Variants in SLC7A1 observed in about 807,000 individuals in gnomAD.
SLC7A1 encodes high affinity cationic amino acid transporter 1.
SLC7A1 carries 10 observed loss-of-function variants against 53.9 expected under a neutral mutation model. That is an observed-to-expected ratio of 0.19 (90% confidence interval 0.11 to 0.31). The LOEUF (loss-of-function observed/expected upper bound fraction) is 0.31, where lower values mean the gene tolerates loss of function less well. Among genes scored for constraint, SLC7A1 ranks in the 10% least tolerant of loss-of-function variants. The probability of loss-of-function intolerance (pLI) is 1.00; values close to 1 mark genes in which losing one functional copy is unlikely to be tolerated. For missense variants in SLC7A1, 525 were observed against 827.2 expected (o/e 0.63, Z 4.48); for synonymous variants, 342 against 338.7 (o/e 1.01, Z -0.11).
At chr13:29,579,853 C>T (rs1003984083) in intron 1 of SLC7A1, among the ~76,000 whole-genome samples, 1 of 152,124 alleles carries the variant, frequency 6.6e-6, no homozygotes, top group African/African-American at 2.4e-5. Flanking sequence ...CTGGTCGAAC[C>T]GGTGCCCTGC....
Position 29,522,435 on chromosome 13 carries a change from G to C in SLC7A1, c.1071C>G (p.Pro357=). The C allele has an allele frequency of 6.2e-7, 1 of 1,614,196 alleles. No individual in the cohort carries two copies. The highest frequency in any genetic ancestry group is 8.5e-7 in the Non-Finnish European group (1 of 1,180,030). ...CCATGGCATAGATAACCCGAGGCAT[G>C]GGAAACATGGAACCTAGAAGACTAG... ...LSASLLGSMF[P]MPRVIYAMAE... is the part of the protein sequence containing the mutation. The change falls in exon 8 of 13, where the codon CCC becomes CCG. Residue 357 remains proline, a synonymous_variant. Coordinates refer to ENST00000380752, the MANE Select transcript of SLC7A1 (RefSeq NM_003045.5).
intron 5 of SLC7A1, among the ~76,000 whole-genome samples, chr13:29,528,814 G>C (rs1182188762): frequency 1.3e-5 from 2 of 152,194 alleles, no homozygotes; most frequent in Non-Finnish European, 2.9e-5. Flanking sequence ...AGGGATTGGG[G>C]CAACAAATGC....
At chr13:29,561,932 T>C (rs747231567) in intron 1 of SLC7A1, among the ~76,000 whole-genome samples, 26 of 152,244 alleles carry the variant, frequency 1.7e-4, no homozygotes, top group Non-Finnish European at 2.9e-4. Context: ...CCTCTGTCCT[T>C]GAGCCTTCCA....
rs574698354 is a variant in SLC7A1, at chr13:29,512,280, G to A, written c.*2200C>T. 8 of 152,292 alleles carry A rather than the reference G, an allele frequency of 5.3e-5. No homozygotes were observed. The highest frequency in any genetic ancestry group is 2.1e-4 in the South Asian group (1 of 4,826). 9.4% of individuals were successfully genotyped at this position (152,292 alleles called of 1,614,324 possible). The stretch of plus-strand genomic sequence containing the variant: ...CTGTGTCCAGCTTTAAGGCCTCTGC[G>A]TGAGGAAGGCCACAGACTCCCAGCT... On this transcript the variant is annotated 3_prime_UTR_variant, in exon 13 of 13. Transcript: ENST00000380752.
At chr13:29,579,407 C>T (rs1398085277) in intron 1 of SLC7A1, among the ~76,000 whole-genome samples, 2 of 151,224 alleles carry the variant, frequency 1.3e-5, no homozygotes, top group Admixed American at 6.6e-5. Context: ...GTTGCCCAGA[C>T]TGGAATGCAG....
At chr13:29,567,694 C>A (rs574497207) in intron 1 of SLC7A1, among the ~76,000 whole-genome samples, 2 of 152,128 alleles carry the variant, frequency 1.3e-5, no homozygotes, top group Admixed American at 6.5e-5. Context: ...CCGGACAGTG[C>A]GGCAGTTCTA....
At position 29,524,181 on chromosome 13, in the gene SLC7A1, T is replaced by C. The variant is rs755479507; in HGVS notation, c.777A>G (p.Ala259=). 1.2e-6 allele frequency: 2 copies of C among 1,614,060 alleles called. No homozygotes were observed. The highest frequency in any genetic ancestry group is 1.7e-6 in the Non-Finnish European group (2 of 1,179,982). ...CCACGAAGGCATAGAAGCAAGTCGC[T>C]GCCCCCGACAGGACACCAGAGAACC... ...PFGFSGVLSG[A]ATCFYAFVGF... Residue 259 remains alanine (A), a synonymous_variant, in exon 6 of 13, where the codon GCA becomes GCG. Coordinates refer to ENST00000380752, the MANE Select transcript of SLC7A1 (RefSeq NM_003045.5).
intron 3 of SLC7A1, 31 bp from the exon 4 acceptor site, chr13:29,533,013 G>A (rs1397468377): frequency 1.3e-6 from 2 of 1,587,446 alleles, no homozygotes; most frequent in African/African-American, 1.3e-5. Context: ...CAGAGGAGAT[G>A]TGAGGACAAC....
chr13:29,540,356 C>T (rs541061150), intron 2 of SLC7A1, among the ~76,000 whole-genome samples: 1 of 152,304 alleles, frequency 6.6e-6, no homozygotes, highest in Admixed American at 6.5e-5. Flanking sequence ...TATCAAAGAA[C>T]ACTTACCTGA....
chr13:29,546,909 C>T (rs562462068), intron 2 of SLC7A1, among the ~76,000 whole-genome samples: 2 of 152,192 alleles, frequency 1.3e-5, no homozygotes, highest in Non-Finnish European at 2.9e-5. Context: ...ATTAAATCCC[C>T]ACAAGGAAGC....
rs914564264 is a variant in SLC7A1, at chr13:29,578,813, T to C, written c.-115+16603A>G. 4.6e-5 allele frequency among the ~76,000 whole-genome samples: 7 copies of C among 152,370 alleles called. No homozygotes were observed. The East Asian group carries it at 9.6e-4, about 21-fold the overall frequency. On this transcript the variant is annotated intron_variant, in intron 1 of 12. Coordinates refer to ENST00000380752, the MANE Select transcript of SLC7A1 (RefSeq NM_003045.5). ...TCACAGCCTGTCAAAAGCCACAGAC[T>C]TTAATGAGTCCTCTTGTTCTCAGAC...
chr13:29,527,060 C>T (rs1025662689), intron 5 of SLC7A1, among the ~76,000 whole-genome samples: 1 of 120,486 alleles, frequency 8.3e-6, no homozygotes, highest in African/African-American at 3.0e-5. Flanking sequence ...TAACAATGAA[C>T]AAGGGCCTGA....
intron 2 of SLC7A1, among the ~76,000 whole-genome samples, 172 bp downstream of exon 2, chr13:29,553,589 T>C (rs376440297): frequency 2.0e-5 from 3 of 152,172 alleles, no homozygotes; most frequent in African/African-American, 7.2e-5. Flanking sequence ...GGTAGCCACA[T>C]GAGTCTGAAA....
At chr13:29,568,625 C>T (rs1871068210) in intron 1 of SLC7A1, among the ~76,000 whole-genome samples, 1 of 152,248 alleles carries the variant, frequency 6.6e-6, no homozygotes, top group South Asian at 2.1e-4. Context: ...CAGGAGCTGA[C>T]ACACAATGGC....
rs1463748807 is a variant in SLC7A1, at chr13:29,567,631, C to CCCTGTTT, written c.-114-13772_-114-13771insAAACAGG. 7.2e-5 allele frequency among the ~76,000 whole-genome samples: 11 copies of CCCTGTTT among 152,332 alleles called. No homozygotes were observed. The East Asian group carries it at 2.1e-3, about 29-fold the overall frequency. ...CTCCTGCCACACTCCTGGGTGTTTACAAGCTGCTGGGTACAACTCCCTGCA... is the reference window on the plus strand; with the variant it reads ...CTCCTGCCACACTCCTGGGTGTTTACCCTGTTTAAGCTGCTGGGTACAACTCCCTGCA... On this transcript the variant is annotated intron_variant, in intron 1 of 12. Coordinates refer to ENST00000380752, the MANE Select transcript of SLC7A1 (RefSeq NM_003045.5).
chr13:29,515,067 T>G (rs1462880582), intron 12 of SLC7A1, among the ~76,000 whole-genome samples: 1 of 152,152 alleles, frequency 6.6e-6, no homozygotes, highest in Non-Finnish European at 1.5e-5. Context: ...GGACTTCACA[T>G]AGGAGTCCAC....
At chr13:29,539,472 C>A (rs1869570843) in intron 2 of SLC7A1, among the ~76,000 whole-genome samples, 1 of 152,158 alleles carries the variant, frequency 6.6e-6, no homozygotes, top group Non-Finnish European at 1.5e-5. Flanking sequence ...CTGGGGGGAC[C>A]TCTGAACCCC....
At chr13:29,594,847 G>T (rs1394541468) in intron 1 of SLC7A1, among the ~76,000 whole-genome samples, 1 of 152,180 alleles carries the variant, frequency 6.6e-6, no homozygotes, top group African/African-American at 2.4e-5. Context: ...ACCGGGCGGG[G>T]ATGGCAGCAG....
chr13:29,535,906 C>T lies in SLC7A1; in HGVS notation c.283G>A (p.Gly95Ser). ...ACATAGCTGTAGAGGTAAGCTGAGCCCGTCTTGGGGACCCGAGCACCAAAC... is the reference window on the plus strand; with the variant it reads ...ACATAGCTGTAGAGGTAAGCTGAGCTCGTCTTGGGGACCCGAGCACCAAAC... ...GEFGARVPKT[G>S]SAYLYSYVTV... The change falls in exon 3 of 13, where the codon GGC becomes AGC. Residue 95 changes from glycine (G) to serine (S), a missense_variant. Around this residue, in one of 4 missense-constraint regions of SLC7A1, gnomAD observed 354 missense variants for 587.5 expected, o/e 0.60. Coordinates refer to ENST00000380752, the MANE Select transcript of SLC7A1 (RefSeq NM_003045.5). The T allele has an allele frequency of 6.2e-7, 1 of 1,614,170 alleles. No individual in the cohort carries two copies. The highest frequency in any genetic ancestry group is 8.5e-7 in the Non-Finnish European group (1 of 1,180,042).
Sources: allele counts gnomAD v4.1 joint callset (sites outside exome capture counted in the v4.1 genomes callset), GRCh38; gene constraint gnomAD v4.1.1; regional missense constraint gnomAD v4.1.1; transcripts MANE v1.5; gene names NCBI Gene and HGNC (gene_info 2026-07-23, HGNC 2026-07-21).